ARB2A: variants seen among roughly 807,000 people sequenced by gnomAD.
ARB2A encodes the protein cotranscriptional regulator ARB2A.
the ARB2A span, among the ~76,000 whole-genome samples, chr5:93,857,763 T>C: frequency 6.6e-6 from 1 of 152,206 alleles, no homozygotes; most frequent in Non-Finnish European, 1.5e-5. Flanking sequence ...CTCGTCCTGC[T>C]TCAGTTCACG....
At chr5:93,705,018 T>C in the ARB2A span, among the ~76,000 whole-genome samples, 1 of 152,200 alleles carries the variant, frequency 6.6e-6, no homozygotes, top group East Asian at 1.9e-4. Flanking sequence ...CTCACAGGAC[T>C]GTAGGTACAT....
At chr5:93,754,277 AT>A in the ARB2A span, among the ~76,000 whole-genome samples, 1 of 152,130 alleles carries the variant, frequency 6.6e-6, no homozygotes, top group Non-Finnish European at 1.5e-5. Context: ...CTGACATCCT[AT>A]ATACTTTTCT....
chr5:93,855,683 C>G, the ARB2A span, among the ~76,000 whole-genome samples: 12 of 151,982 alleles, frequency 7.9e-5, no homozygotes, highest in South Asian at 2.1e-4. Flanking sequence ...GCATTTGCTT[C>G]TCTGTAAAGT....
At chr5:93,782,968 A>C in the ARB2A span, among the ~76,000 whole-genome samples, 6 of 152,188 alleles carry the variant, frequency 3.9e-5, no homozygotes, top group Non-Finnish European at 8.8e-5. Flanking sequence ...TGATTAAATT[A>C]TGATGAATTC....
chr5:93,769,895 AGT>A, the ARB2A span, among the ~76,000 whole-genome samples: 1 of 152,214 alleles, frequency 6.6e-6, no homozygotes, highest in African/African-American at 2.4e-5. Context: ...GGGAATGAAA[AGT>A]TACACTCAGT....
chr5:93,750,024 T>C, the ARB2A span, among the ~76,000 whole-genome samples: 2 of 152,188 alleles, frequency 1.3e-5, no homozygotes, highest in Non-Finnish European at 2.9e-5. Context: ...TAGGAGACTG[T>C]GAGCTCTTTG....
At chr5:94,022,792 T>C in the ARB2A span, among the ~76,000 whole-genome samples, 1 of 152,192 alleles carries the variant, frequency 6.6e-6, no homozygotes, top group Non-Finnish European at 1.5e-5. Flanking sequence ...GAAATACTTG[T>C]TATCAAAAGT....
At chr5:93,852,581 G>A in the ARB2A span, among the ~76,000 whole-genome samples, 1 of 152,066 alleles carries the variant, frequency 6.6e-6, no homozygotes, top group African/African-American at 2.4e-5. Flanking sequence ...GGTTTTTATG[G>A]TTTTAGGTCT....
chr5:93,913,842 T>C, the ARB2A span, among the ~76,000 whole-genome samples: 2 of 150,496 alleles, frequency 1.3e-5, no homozygotes, highest in Admixed American at 1.3e-4. Context: ...TTCCTTGAAA[T>C]TATTATAGTG....
the ARB2A span, among the ~76,000 whole-genome samples, chr5:93,957,736 C>T: frequency 2.0e-5 from 3 of 151,964 alleles, no homozygotes; most frequent in Non-Finnish European, 2.9e-5. Context: ...CTGGGCTGAG[C>T]CTTCATTTCT....
the ARB2A span, among the ~76,000 whole-genome samples, chr5:93,845,639 G>T: frequency 1.3e-5 from 2 of 152,236 alleles, no homozygotes; most frequent in East Asian, 3.9e-4. Flanking sequence ...ATATACACAG[G>T]CCCACAAACA....
the ARB2A span, among the ~76,000 whole-genome samples, chr5:93,903,443 A>G: frequency 2.0e-5 from 3 of 152,098 alleles, no homozygotes; most frequent in African/African-American, 4.8e-5. Flanking sequence ...AAAGTCATAT[A>G]CATGTAAAAA....
chr5:93,895,676 T>C, the ARB2A span, among the ~76,000 whole-genome samples: 2 of 152,056 alleles, frequency 1.3e-5, no homozygotes, highest in Non-Finnish European at 1.5e-5. Context: ...CATATATCAT[T>C]CATTAAAATA....
chr5:93,704,950 G>T, the ARB2A span, among the ~76,000 whole-genome samples: 2 of 152,126 alleles, frequency 1.3e-5, no homozygotes, highest in South Asian at 2.1e-4. Context: ...CCAGGCCTTG[G>T]GGGTATTCAA....
At chr5:93,664,634 A>AATATATAT in the ARB2A span, among the ~76,000 whole-genome samples, 2 of 145,970 alleles carry the variant, frequency 1.4e-5, no homozygotes, top group East Asian at 4.0e-4. Flanking sequence ...TCGTCTCAAA[A>AATATATAT]ATATATATAT....
At chr5:93,982,269 G>A in the ARB2A span, among the ~76,000 whole-genome samples, 4 of 152,110 alleles carry the variant, frequency 2.6e-5, no homozygotes, top group South Asian at 2.1e-4. Flanking sequence ...AATTCCTTGC[G>A]CTGATGTCAG....
At chr5:93,741,174 G>A in the ARB2A span, 2 of 1,613,784 alleles carry the variant, frequency 1.2e-6, no homozygotes, top group Non-Finnish European at 1.7e-6. Flanking sequence ...TCAACTCCTT[G>A]GCCAATTGCT....
At chr5:94,035,541 T>C in the ARB2A span, among the ~76,000 whole-genome samples, 2 of 152,180 alleles carry the variant, frequency 1.3e-5, no homozygotes, top group Non-Finnish European at 2.9e-5. Flanking sequence ...ATTTTAACAT[T>C]TCACTGGCCA....
chr5:93,664,858 G>C, the ARB2A span, among the ~76,000 whole-genome samples: 1 of 151,730 alleles, frequency 6.6e-6, no homozygotes, highest in Non-Finnish European at 1.5e-5. Context: ...CCACAGTCTC[G>C]CTCTGTCACC....
Sources: allele counts gnomAD v4.1 joint callset (sites outside exome capture counted in the v4.1 genomes callset), GRCh38; gene constraint gnomAD v4.1.1; transcripts MANE v1.5; gene names NCBI Gene and HGNC (gene_info 2026-07-23, HGNC 2026-07-21).